Variants in EPG5 observed in about 807,000 individuals in gnomAD.
The protein encoded by EPG5 is ectopic P granules protein 5 homolog.
A neutral mutation model predicts 302.7 loss-of-function variants in EPG5; 159 were observed. The observed-to-expected ratio is 0.53, with a 90% CI of 0.46 to 0.60. The LOEUF (loss-of-function observed/expected upper bound fraction) is 0.60. EPG5 is among the 20% of genes least tolerant of loss of function. EPG5 has a pLI of 0.00. For synonymous variants in EPG5, 1,158 were observed against 1,136.8 expected, an observed-to-expected ratio of 1.02 and a Z score of -0.37; for missense variants, 2,896 against 3,092.4, an observed-to-expected ratio of 0.94 and a Z score of 1.51.
At position 45,942,465 on chromosome 18, in the gene EPG5, T is replaced by C. The variant is rs149900748; in HGVS notation, c.1943+696A>G. Among the ~76,000 whole-genome samples the C allele has an allele frequency of 5.2e-3, 792 of 152,036 alleles. 5 individuals carry two copies. Among genetic ancestry groups the C allele is most frequent in the African/African-American group, 0.018 (737 of 41,462 alleles). On this transcript the variant is annotated intron_variant, in intron 9 of 43. Transcript: ENST00000282041. The stretch of plus-strand genomic sequence containing the variant: ...TAAAAATACAAAAATTAGCCAGGTG[T>C]GGTGGTGCGCACCTGTAATCCCAGC...
chr18:45,855,969 G>A (rs1322179700), intron 42 of EPG5, among the ~76,000 whole-genome samples: 1 of 152,216 alleles, frequency 6.6e-6, no homozygotes, highest in East Asian at 1.9e-4. Context: ...AAATGGTGCA[G>A]GCACTAGGGA....
At chr18:45,925,196 C>A (rs2050241313) in intron 14 of EPG5, among the ~76,000 whole-genome samples, 2 of 152,312 alleles carry the variant, frequency 1.3e-5, no homozygotes, top group South Asian at 4.1e-4. Context: ...TACAGCCAGG[C>A]ACGGTGGCTC....
At chr18:45,885,060 C>A (rs115533345) in intron 29 of EPG5, among the ~76,000 whole-genome samples, 1 of 152,026 alleles carries the variant, frequency 6.6e-6, no homozygotes, top group Non-Finnish European at 1.5e-5. Flanking sequence ...TGAGTTAGTC[C>A]GGGTGCAGTT....
intron 25 of EPG5, 102 bp downstream of exon 25, chr18:45,903,871 A>C (rs1439232043): frequency 1.7e-5 from 21 of 1,239,676 alleles, no homozygotes; most frequent in Non-Finnish European, 2.3e-5. Flanking sequence ...CCAGAGGAAA[A>C]ATGAACACTG....
intron 6 of EPG5, among the ~76,000 whole-genome samples, chr18:45,947,390 C>T (rs1466521275): frequency 1.3e-5 from 2 of 151,466 alleles, no homozygotes; most frequent in East Asian, 1.9e-4. Flanking sequence ...TCCAGCCTAG[C>T]GAAAGAGAGA....
At chr18:45,863,247 C>A (rs1394405919) in intron 39 of EPG5, among the ~76,000 whole-genome samples, 1 of 152,178 alleles carries the variant, frequency 6.6e-6, no homozygotes, top group African/African-American at 2.4e-5. Flanking sequence ...CCTACCTTAA[C>A]AATCTTTGTC....
At chr18:45,903,378 C>A (rs1018514096) in intron 25 of EPG5, among the ~76,000 whole-genome samples, 2 of 152,204 alleles carry the variant, frequency 1.3e-5, no homozygotes, top group Admixed American at 6.5e-5. Context: ...CAGAGAAGTT[C>A]TTATTTGTCT....
intron 1 of EPG5, among the ~76,000 whole-genome samples, chr18:45,957,707 T>C (rs768410885): frequency 1.3e-5 from 2 of 152,246 alleles, no homozygotes; most frequent in Non-Finnish European, 2.9e-5. Flanking sequence ...TGGCCTATAC[T>C]GTGTGTGCAT....
At chr18:45,825,200 AAGAGAGGGATAGAGGGAGGG>A in the EPG5 span, among the ~76,000 whole-genome samples, 3 of 118,256 alleles carry the variant, frequency 2.5e-5, no homozygotes, top group Non-Finnish European at 3.6e-5. Flanking sequence ...GAGAGGGAGG[AAGAGAGGGATAGAGGGAGGG>A]AGAGAGGGAG....
intron 13 of EPG5, among the ~76,000 whole-genome samples, chr18:45,927,835 T>G: frequency 6.6e-6 from 1 of 152,072 alleles, no homozygotes; most frequent in East Asian, 1.9e-4. Context: ...GGCCCTAATC[T>G]ATGAAAGGTG....
intron 16 of EPG5, among the ~76,000 whole-genome samples, chr18:45,919,352 C>A (rs2050100419): frequency 6.6e-6 from 1 of 152,116 alleles, no homozygotes; most frequent in African/African-American, 2.4e-5. Flanking sequence ...CAGCACAAAT[C>A]AAAAGTTATC....
chr18:45,903,936 T>TC (rs776904112), intron 25 of EPG5, 37 bp downstream of exon 25: 4 of 1,572,440 alleles, frequency 2.5e-6, no homozygotes, highest in African/African-American at 1.4e-5. Flanking sequence ...AATCATTCAT[T>TC]CACTCATTCG....
chr18:45,915,366 G>A, intron 20 of EPG5, 145 bp downstream of exon 20: 7 of 631,754 alleles, frequency 1.1e-5, no homozygotes, highest in Non-Finnish European at 1.9e-5. Context: ...AAGGGCTACT[G>A]TAAAGATTAA....
In EPG5 at chr18:45,851,417, G is replaced by A. The variant is rs1334074102; in HGVS notation, c.*1050C>T. 1 of 152,164 alleles carries A rather than the reference G, an allele frequency of 6.6e-6. No individual in the cohort carries two copies. The highest frequency in any genetic ancestry group is 1.9e-4 in the East Asian group (1 of 5,198). The allele number at this position is 152,164 out of a possible 1,614,324, so 9.4% of individuals were successfully genotyped here. On this transcript the variant is annotated 3_prime_UTR_variant, in exon 44 of 44. Coordinates refer to ENST00000282041, the MANE Select transcript of EPG5 (RefSeq NM_020964.3). ...ATGAACTGTCAACAACAGAAGGCACGTGGCTATGGAAAAAAAGCCAAATTT... is the reference window on the plus strand; with the variant it reads ...ATGAACTGTCAACAACAGAAGGCACATGGCTATGGAAAAAAAGCCAAATTT...
the EPG5 span, among the ~76,000 whole-genome samples, chr18:45,824,604 A>G: frequency 2.6e-5 from 4 of 152,228 alleles, no homozygotes; most frequent in Non-Finnish European, 4.4e-5. Flanking sequence ...AGAGTGACCA[A>G]GAAGTTGAAG....
At chr18:45,939,518 C>T in intron 10 of EPG5, 82 bp downstream of exon 10, 1 of 1,303,162 alleles carries the variant, frequency 7.7e-7, no homozygotes, top group Non-Finnish European at 1.1e-6. Context: ...TTATAAAAGA[C>T]CTACTTAAGT....
intron 36 of EPG5, among the ~76,000 whole-genome samples, chr18:45,869,539 T>A (rs2048825769): frequency 6.6e-6 from 1 of 152,224 alleles, no homozygotes; most frequent in African/African-American, 2.4e-5. Context: ...GTTAAGGTCA[T>A]CCTTTTTAAA....
chr18:45,928,509 CCTT>C (rs1375065277), intron 13 of EPG5, among the ~76,000 whole-genome samples: 1 of 152,124 alleles, frequency 6.6e-6, no homozygotes, highest in African/African-American at 2.4e-5. Context: ...TTAAATAGGA[CCTT>C]CTTTGTCAGT....
At chr18:45,857,781 T>A in intron 42 of EPG5, 72 bp downstream of exon 42, 2 of 1,255,474 alleles carry the variant, frequency 1.6e-6, no homozygotes, top group Non-Finnish European at 2.3e-6. Context: ...CTGAAGTATA[T>A]CACAACCTGT....
Sources: gnomAD v4.1 joint callset for allele counts (sites outside exome capture counted in the v4.1 genomes callset) on GRCh38, gnomAD v4.1.1 for gene constraint, MANE v1.5 for transcripts, NCBI Gene and HGNC (gene_info 2026-07-23, HGNC 2026-07-21) for gene names.